Variants in XPO7 observed in about 807,000 individuals in gnomAD.
XPO7 encodes the protein exportin-7.
A neutral mutation model predicts 144.3 loss-of-function variants in XPO7; 21 were observed. The observed-to-expected ratio is 0.15, with a 90% CI of 0.10 to 0.21. The LOEUF (loss-of-function observed/expected upper bound fraction) is 0.21, where lower values mean the gene tolerates loss of function less well. Among genes scored for constraint, XPO7 ranks in the 10% least tolerant of loss-of-function variants. The pLI is 1.00. For synonymous variants in XPO7, 580 were observed against 499.6 expected (o/e 1.16, Z -2.15); for missense variants, 808 against 1,325.8 (o/e 0.61, Z 6.06).
intron 24 of XPO7, among the ~76,000 whole-genome samples, chr8:22,000,867 A>G (rs1352992978): frequency 6.6e-6 from 1 of 152,182 alleles, no homozygotes; most frequent in East Asian, 1.9e-4. Flanking sequence ...ATATGTTGCA[A>G]ATACACTTTT....
rs549983554 is a variant in XPO7 at position 21,942,463 on chromosome 8, T to C, written c.18+22675T>C. Among the ~76,000 whole-genome samples the C allele has an allele frequency of 1.2e-3, 178 of 152,358 alleles. 1 individual carries two copies. The highest frequency in any genetic ancestry group is 4.6e-3 in the South Asian group (22 of 4,824). On this transcript the variant is annotated intron_variant, in intron 1 of 27. Coordinates refer to ENST00000252512, the MANE Select transcript of XPO7 (RefSeq NM_015024.5). ...TAAGGTAGCATTGTTTTATAATTTTTTGTGAATTTCTTTAATATGTGTCTT... is the reference window on the plus strand; with the variant it reads ...TAAGGTAGCATTGTTTTATAATTTTCTGTGAATTTCTTTAATATGTGTCTT...
chr8:21,954,258 G>T (rs1008075252), intron 1 of XPO7, among the ~76,000 whole-genome samples: 1 of 152,150 alleles, frequency 6.6e-6, no homozygotes, highest in Admixed American at 6.5e-5. Context: ...TTAAATGGAG[G>T]TTTTAATAGG....
chr8:21,920,375 C>G (rs938423626), intron 1 of XPO7, among the ~76,000 whole-genome samples: 1 of 152,064 alleles, frequency 6.6e-6, no homozygotes, highest in East Asian at 1.9e-4. Context: ...GCCCGGAGGG[C>G]CGAGCTCCCC....
intron 1 of XPO7, among the ~76,000 whole-genome samples, chr8:21,966,642 A>G (rs1204102200): frequency 1.3e-5 from 2 of 152,020 alleles, no homozygotes; most frequent in South Asian, 2.1e-4. Context: ...AAAAAGTTAT[A>G]TAGGTATTCT....
rs781198137 is a variant in XPO7, at chr8:21,991,994, A to G, written c.2148+20A>G. The G allele has an allele frequency of 1.4e-5, 23 of 1,591,692 alleles. No individual in the cohort carries two copies. Among genetic ancestry groups the G allele is most frequent in the African/African-American group, 4.0e-5 (3 of 74,498 alleles). On this transcript the variant is annotated intron_variant, in intron 19 of 27. Transcript: ENST00000252512. ...GCAAAGGTGAGTGAGTCTTTCACCC[A>G]GTAATTAATCAGCTTCTGGTTTAGG...
intron 1 of XPO7, among the ~76,000 whole-genome samples, chr8:21,924,835 T>C (rs1459172515): frequency 6.6e-6 from 1 of 152,198 alleles, no homozygotes; most frequent in Admixed American, 6.5e-5. Context: ...TCCTGGAGAG[T>C]TACATGCAAG....
At chr8:21,930,907 C>G (rs1311292629) in intron 1 of XPO7, among the ~76,000 whole-genome samples, 2 of 152,194 alleles carry the variant, frequency 1.3e-5, no homozygotes, top group African/African-American at 4.8e-5. Flanking sequence ...GATCTCCGAT[C>G]TCAGCTCACT....
chr8:21,944,057 A>T (rs1308435004), intron 1 of XPO7, among the ~76,000 whole-genome samples: 1 of 152,174 alleles, frequency 6.6e-6, no homozygotes, highest in Non-Finnish European at 1.5e-5. Flanking sequence ...AAAATGTAAA[A>T]TTTAATATAG....
At chr8:21,925,475 A>G (rs1810429673) in intron 1 of XPO7, among the ~76,000 whole-genome samples, 1 of 152,234 alleles carries the variant, frequency 6.6e-6, no homozygotes. Flanking sequence ...TAAGCTGATT[A>G]AAAGACCTGG....
At chr8:21,987,348 T>C in intron 14 of XPO7, 72 bp downstream of exon 14, 1 of 1,589,586 alleles carries the variant, frequency 6.3e-7, no homozygotes, top group South Asian at 1.1e-5. Context: ...AGGGAAACAG[T>C]TGCTGATAGT....
intron 21 of XPO7, among the ~76,000 whole-genome samples, chr8:21,997,569 G>T (rs1812994192): frequency 6.6e-6 from 1 of 152,216 alleles, no homozygotes; most frequent in Non-Finnish European, 1.5e-5. Flanking sequence ...TGGTTGGTGG[G>T]GGGAGGCTGT....
At chr8:21,943,080 G>A (rs765440899) in intron 1 of XPO7, among the ~76,000 whole-genome samples, 2 of 152,160 alleles carry the variant, frequency 1.3e-5, no homozygotes, top group Non-Finnish European at 1.5e-5. Flanking sequence ...TCTTGGTATT[G>A]CTATGAAAAT....
chr8:21,920,103 C>G (rs1261181752), intron 1 of XPO7, among the ~76,000 whole-genome samples: 8 of 152,020 alleles, frequency 5.3e-5, no homozygotes. Context: ...AGGCCTCCGT[C>G]AAGTCCTCGG....
At chr8:21,997,453 C>T (rs1812989064) in intron 21 of XPO7, among the ~76,000 whole-genome samples, 1 of 152,148 alleles carries the variant, frequency 6.6e-6, no homozygotes, top group Non-Finnish European at 1.5e-5. Flanking sequence ...ATCTAAATGA[C>T]AAGAAAGATT....
At position 21,928,787 on chromosome 8, in the gene XPO7, G is replaced by A. The variant is rs115455051; in HGVS notation, c.18+8999G>A. 4.8e-3 allele frequency among the ~76,000 whole-genome samples: 728 copies of A among 152,238 alleles called. 7 individuals carry two copies. The highest frequency in any genetic ancestry group is 0.017 in the African/African-American group (702 of 41,536). ...AACATCTAAAAGAATAATACTCCATGTTGCATGATAATTATATGAAATTCT... is the reference window on the plus strand; with the variant it reads ...AACATCTAAAAGAATAATACTCCATATTGCATGATAATTATATGAAATTCT... On this transcript the variant is annotated intron_variant, in intron 1 of 27. Transcript: ENST00000252512.
At chr8:21,953,739 A>G (rs1811448055) in intron 1 of XPO7, among the ~76,000 whole-genome samples, 1 of 152,064 alleles carries the variant, frequency 6.6e-6, no homozygotes, top group African/African-American at 2.4e-5. Flanking sequence ...TGTTACTTTA[A>G]TTTGCAGTTT....
chr8:21,996,023 G>C (rs1025818500), intron 21 of XPO7, among the ~76,000 whole-genome samples: 1 of 152,020 alleles, frequency 6.6e-6, no homozygotes, highest in African/African-American at 2.4e-5. Flanking sequence ...CACCATGTTA[G>C]CCAGGATGGT....
At chr8:21,987,026 C>T in intron 13 of XPO7, 115 bp from the exon 14 acceptor site, 1 of 1,456,942 alleles carries the variant, frequency 6.9e-7, no homozygotes, top group African/African-American at 1.4e-5. Context: ...AATTTGGTTG[C>T]AGGAGGTTGC....
intron 1 of XPO7, 21 bp downstream of exon 1, chr8:21,919,809 G>A (rs533337882): frequency 9.0e-5 from 43 of 475,254 alleles, no homozygotes; most frequent in South Asian, 7.9e-4. Context: ...CCGCGGGGGG[G>A]AGGGGGCGAC....
Sources: allele counts gnomAD v4.1 joint callset (sites outside exome capture counted in the v4.1 genomes callset), GRCh38; gene constraint gnomAD v4.1.1; transcripts MANE v1.5; gene names NCBI Gene and HGNC (gene_info 2026-07-23, HGNC 2026-07-21).